The following ANO10 variants were observed in gnomAD, a reference collection of about 807,000 sequenced individuals.
The protein encoded by ANO10 is anoctamin-10.
ANO10 carries 77 observed loss-of-function variants against 74.7 expected under a neutral mutation model. The observed-to-expected ratio is 1.03, with a 90% CI of 0.86 to 1.25. ANO10 has a LOEUF of 1.25. ANO10 is among the 50% of genes most tolerant of loss of function. The pLI is 0.00. For synonymous variants in ANO10, 279 were observed against 284.9 expected (o/e 0.98, Z 0.21); for missense variants, 721 against 778.1 (o/e 0.93, Z 0.87).
chr3:43,685,157 C>T (rs1013828818), intron 1 of ANO10, among the ~76,000 whole-genome samples: 7 of 152,160 alleles, frequency 4.6e-5, no homozygotes, highest in African/African-American at 7.2e-5. Flanking sequence ...TTGTAGTATT[C>T]GCCTTACTAT....
intron 1 of ANO10, among the ~76,000 whole-genome samples, chr3:43,658,654 G>C (rs190779161): frequency 1.0e-3 from 157 of 152,106 alleles, no homozygotes; most frequent in Non-Finnish European, 8.5e-4. Flanking sequence ...ATTTTTAGTA[G>C]AGACGGGATT....
intron 1 of ANO10, among the ~76,000 whole-genome samples, chr3:43,611,312 C>T (rs1427372825): frequency 6.6e-6 from 1 of 152,134 alleles, no homozygotes; most frequent in African/African-American, 2.4e-5. Context: ...ACCTACCAAT[C>T]CAGAATACCT....
At chr3:43,515,720 A>T (rs1485566031) in intron 11 of ANO10, among the ~76,000 whole-genome samples, 1 of 152,144 alleles carries the variant, frequency 6.6e-6, no homozygotes, top group African/African-American at 2.4e-5. Context: ...TTGTAGCTGA[A>T]GCTATAATCT....
intron 11 of ANO10, among the ~76,000 whole-genome samples, chr3:43,466,380 A>AC (rs1559575310): frequency 7.0e-5 from 6 of 85,344 alleles, no homozygotes; most frequent in African/African-American, 1.1e-4. Flanking sequence ...AAAAAAAAAA[A>AC]AAAAAAACAA....
At chr3:43,462,792 G>A (rs368618112) in intron 11 of ANO10, among the ~76,000 whole-genome samples, 1 of 152,182 alleles carries the variant, frequency 6.6e-6, no homozygotes, top group African/African-American at 2.4e-5. Flanking sequence ...CCAGGCCCAG[G>A]GTACCCATGC....
At chr3:43,645,860 T>A (rs2083721058) in intron 1 of ANO10, among the ~76,000 whole-genome samples, 1 of 152,120 alleles carries the variant, frequency 6.6e-6, no homozygotes. Context: ...CAGGTTGGAG[T>A]GCAGTGACAC....
At chr3:43,455,519 G>T (rs141996247) in intron 11 of ANO10, among the ~76,000 whole-genome samples, 37 of 152,056 alleles carry the variant, frequency 2.4e-4, no homozygotes, top group East Asian at 1.7e-3. Context: ...CTTGAGGAAT[G>T]GGGGGAAATG....
At chr3:43,374,097 C>G (rs76005260) in intron 12 of ANO10, among the ~76,000 whole-genome samples, 6,399 of 152,230 alleles carry the variant, frequency 0.042, 449 homozygotes, top group African/African-American at 0.14. Context: ...GATGGTTCCT[C>G]CAGGCTGTGG....
At chr3:43,453,209 C>T (rs1483045840) in intron 11 of ANO10, among the ~76,000 whole-genome samples, 2 of 146,184 alleles carry the variant, frequency 1.4e-5, no homozygotes, top group South Asian at 2.2e-4. Context: ...GACGGAGTCT[C>T]GCTCTGTCTC....
Position 43,565,744 on chromosome 3 carries a change from A to AG in ANO10, c.1219-18_1219-17insC. The AG allele has an allele frequency of 6.4e-7, 1 of 1,553,136 alleles. No homozygotes were observed. Among genetic ancestry groups the AG allele is most frequent in the East Asian group, 2.4e-5 (1 of 41,358 alleles). Reference sequence around the variant, plus strand: ...GAAGTTGAACTGCCAAAAAAAAAAAAAAAAAAGATAAGTGTTAAGCACTGC... The same window carrying AG: ...GAAGTTGAACTGCCAAAAAAAAAAAAGAAAAAAGATAAGTGTTAAGCACTGC... On this transcript the variant is annotated splice_polypyrimidine_tract_variant and intron_variant, in intron 7 of 12. Coordinates refer to ENST00000292246, the MANE Select transcript of ANO10 (RefSeq NM_018075.5).
intron 11 of ANO10, among the ~76,000 whole-genome samples, chr3:43,519,063 T>C (rs920829867): frequency 6.6e-6 from 1 of 152,076 alleles, no homozygotes; most frequent in African/African-American, 2.4e-5. Flanking sequence ...ACATGTGATG[T>C]CTCCCCCGGA....
chr3:43,379,104 C>T (rs1041601755), intron 12 of ANO10, among the ~76,000 whole-genome samples: 2 of 152,160 alleles, frequency 1.3e-5, no homozygotes, highest in African/African-American at 4.8e-5. Flanking sequence ...ATCCTGAGCA[C>T]ACACGGCAGC....
At chr3:43,463,678 T>A (rs1032390225) in intron 11 of ANO10, among the ~76,000 whole-genome samples, 2 of 152,196 alleles carry the variant, frequency 1.3e-5, no homozygotes, top group African/African-American at 4.8e-5. Context: ...CTGCTTTTGA[T>A]TTTAGAGACT....
At chr3:43,659,707 G>T (rs978478428) in intron 1 of ANO10, among the ~76,000 whole-genome samples, 10 of 152,222 alleles carry the variant, frequency 6.6e-5, no homozygotes, top group Non-Finnish European at 1.3e-4. Context: ...CTGCCTGACA[G>T]CTCTGAAGAG....
intron 12 of ANO10, among the ~76,000 whole-genome samples, chr3:43,403,503 G>T (rs1025456861): frequency 6.6e-6 from 1 of 152,184 alleles, no homozygotes; most frequent in Non-Finnish European, 1.5e-5. Flanking sequence ...GAGAAGGGCC[G>T]GCTACTCCAA....
At chr3:43,552,722 ATATATATGTATGTATGTATG>A (rs1371962022) in intron 10 of ANO10, among the ~76,000 whole-genome samples, 162 of 100,456 alleles carry the variant, frequency 1.6e-3, no homozygotes, top group African/African-American at 4.1e-3. Context: ...ATATATATAT[ATATATATGTATGTATGTATG>A]TATGTATGTA....
intron 1 of ANO10, among the ~76,000 whole-genome samples, chr3:43,620,746 C>T (rs2083352309): frequency 6.6e-6 from 1 of 152,176 alleles, no homozygotes. Flanking sequence ...GCCTGAGCGA[C>T]AGAGCAAGAC....
chr3:43,553,814 C>T (rs542745734), intron 10 of ANO10, among the ~76,000 whole-genome samples: 2 of 152,266 alleles, frequency 1.3e-5, no homozygotes, highest in South Asian at 2.1e-4. Flanking sequence ...GGATTACAGG[C>T]GTGAGCCACA....
At chr3:43,644,924 T>C (rs1328422848) in intron 1 of ANO10, among the ~76,000 whole-genome samples, 3 of 152,246 alleles carry the variant, frequency 2.0e-5, no homozygotes, top group Non-Finnish European at 2.9e-5. Context: ...TTTTCAGGTA[T>C]GCCTTCTTGT....
Sources: allele counts gnomAD v4.1 joint callset (sites outside exome capture counted in the v4.1 genomes callset), GRCh38; gene constraint gnomAD v4.1.1; transcripts MANE v1.5; gene names NCBI Gene and HGNC (gene_info 2026-07-23, HGNC 2026-07-21).